NXPE2: variants seen among roughly 807,000 people sequenced by gnomAD.
NXPE2 encodes the protein NXPE family member 2.
In NXPE2, 34 loss-of-function variants were observed where a neutral mutation model predicts 34.4. That is an observed-to-expected ratio of 0.99 (90% CI 0.75 to 1.31). The LOEUF (loss-of-function observed/expected upper bound fraction) is 1.31, where lower values mean the gene tolerates loss of function less well. Ranked by LOEUF, NXPE2 falls within the 40% of genes most tolerant of loss-of-function variation. The pLI is 0.00. For synonymous variants in NXPE2, 235 were observed against 231.3 expected, an observed-to-expected ratio of 1.02 and a Z score of -0.15; for missense variants, 649 against 672.5, an observed-to-expected ratio of 0.97 and a Z score of 0.39.
At chr11:114,685,089 T>C (rs1951021910) in intron 2 of NXPE2, among the ~76,000 whole-genome samples, 1 of 152,228 alleles carries the variant, frequency 6.6e-6, no homozygotes, top group Middle Eastern at 3.2e-3. Context: ...GTTGGTCAGA[T>C]ATATCATGGA....
chr11:114,680,913 C>A (rs1950940395), intron 2 of NXPE2, among the ~76,000 whole-genome samples: 1 of 152,144 alleles, frequency 6.6e-6, no homozygotes, highest in Middle Eastern at 3.4e-3. Context: ...ACACACACAC[C>A]AAATTTATCA....
At chr11:114,739,407 G>A in the NXPE2 span, among the ~76,000 whole-genome samples, 114 of 103,878 alleles carry the variant, frequency 1.1e-3, no homozygotes, top group African/African-American at 3.8e-3. Flanking sequence ...TCCCTCCCTC[G>A]CTCCTTCCCT....
At chr11:114,759,844 A>G in the NXPE2 span, among the ~76,000 whole-genome samples, 1 of 152,198 alleles carries the variant, frequency 6.6e-6, no homozygotes, top group South Asian at 2.1e-4. Flanking sequence ...GAAATCCAAA[A>G]TCCTAGGAAT....
At chr11:114,493,355 G>A in the NXPE2 span, among the ~76,000 whole-genome samples, 1 of 152,048 alleles carries the variant, frequency 6.6e-6, no homozygotes, top group African/African-American at 2.4e-5. Flanking sequence ...CTGCCATTTT[G>A]TTATTTGTTT....
chr11:114,473,564 G>A, the NXPE2 span, among the ~76,000 whole-genome samples: 1 of 152,128 alleles, frequency 6.6e-6, no homozygotes. Flanking sequence ...AAACACAGAG[G>A]TTATAAAACT....
rs200783258 is a variant in NXPE2 at position 114,679,631 on chromosome 11, A to G, written c.27-26A>G. 238 of 1,399,396 alleles carry G rather than the reference A, an allele frequency of 1.7e-4. 1 individual carries two copies. Among genetic ancestry groups the G allele is most frequent in the Middle Eastern group, 5.8e-4 (3 of 5,170 alleles). 86.7% of individuals were successfully genotyped at this position (1,399,396 alleles called of 1,614,324 possible). On this transcript the variant is annotated intron_variant, in intron 1 of 5. Transcript: ENST00000389586. The stretch of plus-strand genomic sequence containing the variant: ...TGTCGTACTTATTTGATTTAATGTG[A>G]TTATTTCTCCTGTCCTTTCTTATAG...
chr11:114,618,362 G>A, the NXPE2 span, among the ~76,000 whole-genome samples: 1 of 151,686 alleles, frequency 6.6e-6, no homozygotes, highest in South Asian at 2.1e-4. Context: ...AATAATAAGT[G>A]TTGCCTCATG....
intron 3 of NXPE2, among the ~76,000 whole-genome samples, chr11:114,699,952 C>T (rs754215446): frequency 1.3e-5 from 2 of 152,124 alleles, no homozygotes; most frequent in Non-Finnish European, 2.9e-5. Context: ...TGCCACCACA[C>T]CTGGCTAATT....
At chr11:114,803,543 G>C in the NXPE2 span, among the ~76,000 whole-genome samples, 1 of 150,712 alleles carries the variant, frequency 6.6e-6, no homozygotes, top group Non-Finnish European at 1.5e-5. Context: ...TCATTAAAAG[G>C]TAGAAGAGGC....
the NXPE2 span, among the ~76,000 whole-genome samples, chr11:114,726,274 T>A: frequency 1.3e-5 from 2 of 152,006 alleles, no homozygotes; most frequent in Non-Finnish European, 2.9e-5. Context: ...CAGTCTTTCC[T>A]GGCTGCTTTC....
At chr11:114,604,883 C>T in the NXPE2 span, among the ~76,000 whole-genome samples, 10 of 146,974 alleles carry the variant, frequency 6.8e-5, no homozygotes, top group East Asian at 4.2e-4. Flanking sequence ...TGTTGCCTCA[C>T]GGGTAACCAC....
the NXPE2 span, among the ~76,000 whole-genome samples, chr11:114,490,774 T>A: frequency 6.6e-6 from 1 of 152,212 alleles, no homozygotes; most frequent in Non-Finnish European, 1.5e-5. Flanking sequence ...GGCAGTACCA[T>A]TCAGGCCATA....
At chr11:114,627,890 CTT>C in the NXPE2 span, among the ~76,000 whole-genome samples, 1 of 151,516 alleles carries the variant, frequency 6.6e-6, no homozygotes, top group African/African-American at 2.4e-5. Flanking sequence ...ATAAAACAGA[CTT>C]TAAACCAACA....
chr11:114,606,830 A>T, the NXPE2 span, among the ~76,000 whole-genome samples: 1 of 151,924 alleles, frequency 6.6e-6, no homozygotes, highest in Non-Finnish European at 1.5e-5. Flanking sequence ...CCCAGTCGAT[A>T]ATAAGTGTTG....
the NXPE2 span, among the ~76,000 whole-genome samples, chr11:114,472,245 T>G: frequency 1.3e-5 from 2 of 152,346 alleles, no homozygotes; most frequent in Non-Finnish European, 1.5e-5. Flanking sequence ...GAGTTGTATT[T>G]GTTGGCTTGG....
the NXPE2 span, among the ~76,000 whole-genome samples, chr11:114,609,417 G>T: frequency 6.6e-6 from 1 of 151,830 alleles, no homozygotes; most frequent in Non-Finnish European, 1.5e-5. Context: ...CTGTTACCCT[G>T]TGGATAATAA....
chr11:114,613,719 TA>T, the NXPE2 span, among the ~76,000 whole-genome samples: 1 of 151,924 alleles, frequency 6.6e-6, no homozygotes, highest in East Asian at 1.9e-4. Context: ...CAGCAGGTAA[TA>T]AGTGTTGTCT....
chr11:114,626,486 T>G, the NXPE2 span, among the ~76,000 whole-genome samples: 1 of 152,026 alleles, frequency 6.6e-6, no homozygotes, highest in African/African-American at 2.4e-5. Context: ...GAAGGAAAAC[T>G]AACAGAAAGG....
the NXPE2 span, among the ~76,000 whole-genome samples, chr11:114,619,774 T>G: frequency 1.3e-5 from 2 of 152,120 alleles, no homozygotes; most frequent in Non-Finnish European, 2.9e-5. Flanking sequence ...TGTTACCAGG[T>G]GGATAATAAG....
Sources: gnomAD v4.1 joint callset for allele counts (sites outside exome capture counted in the v4.1 genomes callset) on GRCh38, gnomAD v4.1.1 for gene constraint, MANE v1.5 for transcripts, NCBI Gene and HGNC (gene_info 2026-07-23, HGNC 2026-07-21) for gene names.